Variants in ACOX3 observed in about 807,000 individuals in gnomAD.
ACOX3 encodes the protein acyl-CoA oxidase 3, pristanoyl, also known as peroxisomal acyl-coenzyme A oxidase 3.
ACOX3 carries 73 observed loss-of-function variants against 81.5 expected under a neutral mutation model. That is an observed-to-expected ratio of 0.90 (90% CI 0.74 to 1.09). The LOEUF is 1.09. ACOX3 is among the 50% of genes least tolerant of loss of function. The pLI is 0.00. For missense variants in ACOX3, 947 were observed against 928.0 expected, an observed-to-expected ratio of 1.02 and a Z score of -0.27; for synonymous variants, 387 against 375.1, an observed-to-expected ratio of 1.03 and a Z score of -0.37.
chr4:8,409,459 C>T (rs1455864315), intron 6 of ACOX3, among the ~76,000 whole-genome samples: 4 of 139,996 alleles, frequency 2.9e-5, no homozygotes, highest in Admixed American at 7.2e-5. Flanking sequence ...ATACCATAGG[C>T]GGGGCTGTCT....
intron 14 of ACOX3, among the ~76,000 whole-genome samples, chr4:8,376,384 G>A (rs150546892): frequency 9.2e-5 from 14 of 151,770 alleles, no homozygotes; most frequent in African/African-American, 3.4e-4. Flanking sequence ...ATGAAATATG[G>A]TGTATGGGGG....
chr4:8,408,009 C>T (rs904825634), intron 6 of ACOX3, among the ~76,000 whole-genome samples: 12 of 152,202 alleles, frequency 7.9e-5, no homozygotes, highest in Non-Finnish European at 1.3e-4. Context: ...GAGTACTACC[C>T]AGCCCAAACT....
intron 1 of ACOX3, among the ~76,000 whole-genome samples, chr4:8,440,137 T>C (rs1382939682): frequency 6.6e-6 from 1 of 151,608 alleles, no homozygotes. Context: ...ACGTTTCCCA[T>C]GCTTGCTCAA....
Position 8,394,853 on chromosome 4 carries a change from A to C in ACOX3, c.1057-111T>G, listed in dbSNP as rs6852350. 0.013 allele frequency: 18,753 copies of C among 1,389,682 alleles called. 562 individuals carry two copies. Among genetic ancestry groups the C allele is most frequent in the African/African-American group, 0.12 (8,236 of 68,978 alleles). The allele number at this position is 1,389,682 out of a possible 1,614,324, so 86.1% of individuals were successfully genotyped here. On this transcript the variant is annotated intron_variant, in intron 9 of 17. Transcript: ENST00000356406. The surrounding 1 kb of genome is among the most constrained non-coding windows in gnomAD (Gnocchi z 5.9). ...GAGAGGCCGTCAGGGCCACACACCCACTAGCGCTGAAGGTCTTCACATGTC... is the reference window on the plus strand; with the variant it reads ...GAGAGGCCGTCAGGGCCACACACCCCCTAGCGCTGAAGGTCTTCACATGTC...
intron 15 of ACOX3, chr4:8,374,498 C>T (rs146903275): frequency 8.8e-4 from 136 of 154,810 alleles, no homozygotes; most frequent in Non-Finnish European, 1.6e-3. Context: ...TGGGAAAAAC[C>T]ACCTAAAAAG....
At chr4:8,412,485 TG>T (rs1721833695) in intron 5 of ACOX3, among the ~76,000 whole-genome samples, 1 of 151,842 alleles carries the variant, frequency 6.6e-6, no homozygotes, top group South Asian at 2.1e-4. Context: ...AATGAATGGA[TG>T]GATGAGAGAA....
chr4:8,431,937 C>A lies in ACOX3; in HGVS notation c.-15+8711G>T, dbSNP rs1421770432. 6.6e-6 allele frequency among the ~76,000 whole-genome samples: 1 copy of A among 152,264 alleles called. No individual in the cohort carries two copies. Among genetic ancestry groups the A allele is most frequent in the Admixed American group, 6.5e-5 (1 of 15,290 alleles). ...ATTTGTCTCCATTTATCCCTTCTGTCTTTCCCACCACCACCTCCTTGGCTG... is the reference window on the plus strand; with the variant it reads ...ATTTGTCTCCATTTATCCCTTCTGTATTTCCCACCACCACCTCCTTGGCTG... On this transcript the variant is annotated intron_variant, in intron 1 of 17. Transcript: ENST00000356406. The surrounding 1 kb of genome is among the most constrained non-coding windows in gnomAD (Gnocchi z 5.3).
In ACOX3 at chr4:8,406,141, C is replaced by T. The variant is rs2108931806; in HGVS notation, c.688-98G>A. On this transcript the variant is annotated intron_variant, in intron 6 of 17. Transcript: ENST00000356406. The surrounding 1 kb of genome is among the most constrained non-coding windows in gnomAD (Gnocchi z 5.6). ...AAACCCACAGGGTGGGCCATGGGCT[C>T]AACGCTGGGCGGCTGTGGGTTAAAC... is the stretch of plus-strand genomic sequence containing the variant. The T allele has an allele frequency of 6.0e-6, 7 of 1,160,602 alleles. No individual in the cohort carries two copies. In the East Asian group the frequency reaches 1.2e-4, roughly 19 times the overall value. 71.9% of individuals were successfully genotyped at this position (1,160,602 alleles called of 1,614,324 possible).
intron 7 of ACOX3, among the ~76,000 whole-genome samples, chr4:8,403,511 C>T (rs1346255315): frequency 6.6e-6 from 1 of 152,224 alleles, no homozygotes; most frequent in African/African-American, 2.4e-5. Flanking sequence ...CCCACTGCAT[C>T]CCTGTCACCC....
chr4:8,379,646 G>A (rs1219230825), intron 14 of ACOX3, among the ~76,000 whole-genome samples: 1 of 152,174 alleles, frequency 6.6e-6, no homozygotes, highest in South Asian at 2.1e-4. Context: ...AGCATAGATC[G>A]GGGCTGGAAG....
intron 8 of ACOX3, among the ~76,000 whole-genome samples, chr4:8,398,850 G>C (rs747931498): frequency 6.6e-6 from 1 of 152,196 alleles, no homozygotes; most frequent in Non-Finnish European, 1.5e-5. Flanking sequence ...TCCTGAGATA[G>C]TTATCCCAAA....
At position 8,385,406 on chromosome 4, in the gene ACOX3, T is replaced by TGACC. The variant is rs1337898057; in HGVS notation, c.1537+3763_1537+3766dup. On this transcript the variant is annotated intron_variant, in intron 13 of 17. Coordinates refer to ENST00000356406, the MANE Select transcript of ACOX3 (RefSeq NM_003501.3). This position sits in a 1 kb window ranked among gnomAD's most constrained non-coding sequence, Gnocchi z 5.5. The stretch of plus-strand genomic sequence containing the variant: ...CCCATGTGACCCCACTGCTCACACA[T>TGACC]GACCCTATGTCACCTCTGGCCCACA... 6.6e-6 allele frequency among the ~76,000 whole-genome samples: 1 copy of TGACC among 152,208 alleles called. No individual in the cohort carries two copies. The highest frequency in any genetic ancestry group is 1.5e-5 in the Non-Finnish European group (1 of 68,036).
intron 13 of ACOX3, among the ~76,000 whole-genome samples, chr4:8,383,689 G>C (rs990640114): frequency 6.6e-6 from 1 of 152,186 alleles, no homozygotes; most frequent in Non-Finnish European, 1.5e-5. Context: ...GCTGCTGGCA[G>C]GCTGCCCAGG....
rs1391076687 is a variant in ACOX3 at position 8,431,120 on chromosome 4, AG to A, written c.-15+9527del. Among the ~76,000 whole-genome samples, 1 of 152,200 alleles carries A rather than the reference AG, an allele frequency of 6.6e-6. No homozygotes were observed. Among genetic ancestry groups the A allele is most frequent in the African/African-American group, 2.4e-5 (1 of 41,448 alleles). On this transcript the variant is annotated intron_variant, in intron 1 of 17. Coordinates refer to ENST00000356406, the MANE Select transcript of ACOX3 (RefSeq NM_003501.3). This position sits in a 1 kb window ranked among gnomAD's most constrained non-coding sequence, Gnocchi z 5.3. ...AGGGCATCATCACAAAATGACATGGAGAAAACAAAGCACAGGTTTCCAGCCT... is the reference window on the plus strand; with the variant it reads ...AGGGCATCATCACAAAATGACATGGAAAAACAAAGCACAGGTTTCCAGCCT...
At chr4:8,439,576 T>C (rs74666357) in intron 1 of ACOX3, among the ~76,000 whole-genome samples, 1,895 of 152,356 alleles carry the variant, frequency 0.012, 34 homozygotes, top group African/African-American at 0.042. Flanking sequence ...AATACTGTGT[T>C]GCTTGCTAGG....
Position 8,416,713 on chromosome 4 carries a change from C to T in ACOX3, c.-14-178G>A, listed in dbSNP as rs2245809. Among the ~76,000 whole-genome samples, 63,111 of 151,976 alleles carry T rather than the reference C, an allele frequency of 0.42. 13,390 individuals are homozygous for T. The highest frequency in any genetic ancestry group is 0.5 in the South Asian group (2,431 of 4,820). Reference sequence around the variant, plus strand: ...AGCATCATTTTCCCAGAAGAAAAGGCGAGAAGAATTCCCTCGTCCACTCCT... The same window carrying T: ...AGCATCATTTTCCCAGAAGAAAAGGTGAGAAGAATTCCCTCGTCCACTCCT... On this transcript the variant is annotated intron_variant, in intron 1 of 17. Transcript: ENST00000356406. The surrounding 1 kb of genome is among the most constrained non-coding windows in gnomAD (Gnocchi z 4.2).
the ACOX3 span, chr4:8,357,039 G>A: frequency 2.2e-6 from 1 of 456,234 alleles, no homozygotes; most frequent in Middle Eastern, 3.2e-4. Flanking sequence ...GATCCCGGCA[G>A]GTGAGAGGAA....
chr4:8,435,044 TA>T (rs1331785901), intron 1 of ACOX3, among the ~76,000 whole-genome samples: 2 of 151,700 alleles, frequency 1.3e-5, no homozygotes, highest in African/African-American at 2.4e-5. Context: ...GAAACTGTGT[TA>T]AAAAAAAATT....
At chr4:8,426,002 T>A (rs1283952095) in intron 1 of ACOX3, among the ~76,000 whole-genome samples, 1 of 152,112 alleles carries the variant, frequency 6.6e-6, no homozygotes, top group African/African-American at 2.4e-5. Flanking sequence ...CCACCTCGCA[T>A]GGCCTGCTCT....
Sources: allele counts gnomAD v4.1 joint callset (sites outside exome capture counted in the v4.1 genomes callset), GRCh38; gene constraint gnomAD v4.1.1; non-coding constraint Gnocchi (gnomAD v3.1); transcripts MANE v1.5; gene names NCBI Gene and HGNC (gene_info 2026-07-23, HGNC 2026-07-21).